TSHZ3: variants seen among roughly 807,000 people sequenced by gnomAD.
TSHZ3 encodes the protein teashirt homolog 3.
TSHZ3 carries 10 observed loss-of-function variants against 64.5 expected under a neutral mutation model. The observed-to-expected ratio is 0.16, with a 90% CI of 0.10 to 0.26. The LOEUF (loss-of-function observed/expected upper bound fraction) is 0.26, where lower values mean the gene tolerates loss of function less well. Among genes scored for constraint, TSHZ3 ranks in the 10% least tolerant of loss-of-function variants. The pLI is 1.00. For missense variants in TSHZ3, 1,242 were observed against 1,421.7 expected (o/e 0.87, Z 2.03); for synonymous variants, 608 against 593.1 (o/e 1.03, Z -0.36).
chr19:31,256,248 G>A (rs186740242), intron 1 of TSHZ3, among the ~76,000 whole-genome samples: 132 of 152,230 alleles, frequency 8.7e-4, no homozygotes, highest in East Asian at 3.1e-3. Flanking sequence ...CGGTGGCCTT[G>A]CTTTTAGTCT....
At chr19:31,155,489 C>A (rs1274406364) in intron 6 of TSHZ3, among the ~76,000 whole-genome samples, 1 of 152,216 alleles carries the variant, frequency 6.6e-6, no homozygotes, top group Non-Finnish European at 1.5e-5. Flanking sequence ...ATTTTGAGGA[C>A]ATATCTTTCC....
intron 1 of TSHZ3, among the ~76,000 whole-genome samples, chr19:31,345,808 T>C (rs925821816): frequency 9.9e-5 from 15 of 152,210 alleles, no homozygotes; most frequent in Non-Finnish European, 1.5e-5. Context: ...TCTGGCATTT[T>C]CAGAAATGTT....
At chr19:31,205,384 ACTGTAT>A (rs1272261078) in intron 4 of TSHZ3, among the ~76,000 whole-genome samples, 1 of 152,064 alleles carries the variant, frequency 6.6e-6, no homozygotes, top group African/African-American at 2.4e-5. Context: ...GACAGAGCTG[ACTGTAT>A]CTCTGCATTC....
intron 1 of TSHZ3, among the ~76,000 whole-genome samples, chr19:31,262,371 C>T (rs548369870): frequency 3.3e-5 from 5 of 152,248 alleles, no homozygotes; most frequent in African/African-American, 1.2e-4. Flanking sequence ...TCTTTTTCCA[C>T]AATGTGATTT....
chr19:31,169,411 G>A (rs1295350078), intron 5 of TSHZ3, among the ~76,000 whole-genome samples: 1 of 152,198 alleles, frequency 6.6e-6, no homozygotes, highest in East Asian at 1.9e-4. Context: ...TAGGCAAAAT[G>A]CCATAGAGAC....
At chr19:31,197,634 T>C (rs1307837385) in intron 5 of TSHZ3, among the ~76,000 whole-genome samples, 1 of 151,800 alleles carries the variant, frequency 6.6e-6, no homozygotes, top group African/African-American at 2.4e-5. Flanking sequence ...TCACTATCAA[T>C]CCCATGGACA....
chr19:31,162,000 G>A (rs1420060408), intron 5 of TSHZ3, among the ~76,000 whole-genome samples: 2 of 152,206 alleles, frequency 1.3e-5, no homozygotes, highest in Admixed American at 1.3e-4. Context: ...ATATCTGTAG[G>A]TCACTTTCAC....
At chr19:31,348,164 G>T (rs1030381537) in intron 1 of TSHZ3, among the ~76,000 whole-genome samples, 1 of 152,164 alleles carries the variant, frequency 6.6e-6, no homozygotes, top group Non-Finnish European at 1.5e-5. Flanking sequence ...TCCCAAAGTT[G>T]CACTGACAGG....
intron 1 of TSHZ3, among the ~76,000 whole-genome samples, chr19:31,281,097 C>T (rs920454739): frequency 1.3e-5 from 2 of 152,116 alleles, no homozygotes; most frequent in Non-Finnish European, 1.5e-5. Context: ...GTGGTTGGAA[C>T]GTTGCAGTGC....
At chr19:31,282,863 C>A (rs1435407286) in intron 1 of TSHZ3, among the ~76,000 whole-genome samples, 1 of 152,216 alleles carries the variant, frequency 6.6e-6, no homozygotes, top group Non-Finnish European at 1.5e-5. Flanking sequence ...ACCGCACACC[C>A]CACTCCTGAC....
intron 5 of TSHZ3, among the ~76,000 whole-genome samples, chr19:31,203,531 A>G (rs554847827): frequency 1.3e-5 from 2 of 152,292 alleles, no homozygotes; most frequent in East Asian, 3.9e-4. Context: ...TGCAGTTCTT[A>G]TGCTAGGAGC....
chr19:31,165,937 T>C (rs1974444969), intron 5 of TSHZ3, among the ~76,000 whole-genome samples: 2 of 152,210 alleles, frequency 1.3e-5, no homozygotes, highest in Admixed American at 1.3e-4. Context: ...TTAAGATGGA[T>C]GTGCCGACTT....
At chr19:31,216,832 T>C (rs1232184619) in intron 4 of TSHZ3, among the ~76,000 whole-genome samples, 5 of 152,004 alleles carry the variant, frequency 3.3e-5, no homozygotes, top group African/African-American at 1.2e-4. Context: ...TTATTTTTTA[T>C]TTTTTTGTAG....
At chr19:31,308,728 A>C (rs1916368128) in intron 1 of TSHZ3, 1 of 398,562 alleles carries the variant, frequency 2.5e-6, no homozygotes, top group Non-Finnish European at 4.4e-6. Flanking sequence ...AGAGAAAAAC[A>C]GGGACACACC....
chr19:31,309,438 G>A (rs1437027066), intron 1 of TSHZ3, among the ~76,000 whole-genome samples: 2 of 152,066 alleles, frequency 1.3e-5, no homozygotes, highest in African/African-American at 4.8e-5. Context: ...CCAAGCCAGG[G>A]CAAGTCAATC....
chr19:31,303,980 A>AT lies in TSHZ3; in HGVS notation c.41-24229dup, dbSNP rs35985133. 2.2e-3 allele frequency among the ~76,000 whole-genome samples: 325 copies of AT among 146,682 alleles called. 2 individuals carry two copies. Among genetic ancestry groups the AT allele is most frequent in the Middle Eastern group, 7.1e-3 (2 of 282 alleles). ...AGTCCTCACTCTTTTTTTTATTTTCATTTTTTTTTTTTGAGATGGAGTCTT... is the reference window on the plus strand; with the variant it reads ...AGTCCTCACTCTTTTTTTTATTTTCATTTTTTTTTTTTTGAGATGGAGTCTT... On this transcript the variant is annotated intron_variant, in intron 1 of 1. Transcript: ENST00000240587.
chr19:31,207,977 C>A (rs1263295291), intron 4 of TSHZ3, among the ~76,000 whole-genome samples: 2 of 152,144 alleles, frequency 1.3e-5, no homozygotes, highest in Admixed American at 1.3e-4. Flanking sequence ...TGTTCTAAAA[C>A]CTTTATCATA....
chr19:31,282,720 T>C (rs947106252), intron 1 of TSHZ3, among the ~76,000 whole-genome samples: 32 of 152,206 alleles, frequency 2.1e-4, no homozygotes, highest in African/African-American at 7.7e-4. Flanking sequence ...ATCAGTCTGA[T>C]GACTGAGGAG....
intron 3 of TSHZ3, among the ~76,000 whole-genome samples, chr19:31,231,770 T>C (rs1243557857): frequency 2.6e-5 from 4 of 152,206 alleles, no homozygotes; most frequent in Non-Finnish European, 4.4e-5. Flanking sequence ...ACGGATCCTA[T>C]AGCAGCTTCA....
Sources: gnomAD v4.1 joint callset for allele counts (sites outside exome capture counted in the v4.1 genomes callset) on GRCh38, gnomAD v4.1.1 for gene constraint, MANE v1.5 for transcripts, NCBI Gene and HGNC (gene_info 2026-07-23, HGNC 2026-07-21) for gene names.